The following KCNQ1OT1 variants were observed in gnomAD, a reference collection of about 807,000 sequenced individuals.
KCNQ1OT1 encodes KCNQ1 antisense RNA 2 (non-protein coding).
In KCNQ1OT1 at chr11:2,652,659, C is replaced by T. The variant is rs1022125771; in HGVS notation, n.47336G>A. On this transcript the variant is annotated non_coding_transcript_exon_variant, in exon 1 of 1. Transcript: ENST00000597346. The surrounding 1 kb of genome is among the most constrained non-coding windows in gnomAD (Gnocchi z 5.9). ...AGTGACTTCCTGCAGCATGGAGACC[C>T]GGGTGGGTCGATTTTAGTTGTGTGG... 15 of 398,740 alleles carry T rather than the reference C, an allele frequency of 3.8e-5. No individual in the cohort carries two copies. The South Asian group carries it at 1.1e-3, about 30-fold the overall frequency. The allele number at this position is 398,740 out of a possible 1,614,324, so 24.7% of individuals were successfully genotyped here. A position where few individuals can be genotyped will look rare whatever the true frequency, so the allele number is the denominator to read the frequency against.
In KCNQ1OT1 at chr11:2,673,603, C is replaced by A. The variant is rs185799874; in HGVS notation, n.26392G>T. ...TTACTTGGGCTAAAGAGAAGCTAAA[C>A]GTGACCAGCCTACCCACCTTGCTAC... On this transcript the variant is annotated non_coding_transcript_exon_variant, in exon 1 of 1. Coordinates refer to ENST00000597346, the Ensembl canonical transcript of KCNQ1OT1. This position sits in a 1 kb window ranked among gnomAD's most constrained non-coding sequence, Gnocchi z 4.5. The A allele has an allele frequency of 5.0e-6, 2 of 398,660 alleles. No homozygotes were observed. The highest frequency in any genetic ancestry group is 8.8e-6 in the Non-Finnish European group (2 of 226,162). The allele number at this position is 398,660 out of a possible 1,614,324, so 24.7% of individuals were successfully genotyped here. A position where few individuals can be genotyped will look rare whatever the true frequency, so the allele number is the denominator to read the frequency against.
rs180966329 is a variant in KCNQ1OT1 at position 2,645,025 on chromosome 11, G to A, written n.54970C>T. Reference sequence around the variant, plus strand: ...AGCAAGTCCAGGGAAACCAATTTTGGGCCTCCAGGCAACTTGCTCAGGTGC... The same window carrying A: ...AGCAAGTCCAGGGAAACCAATTTTGAGCCTCCAGGCAACTTGCTCAGGTGC... On this transcript the variant is annotated non_coding_transcript_exon_variant, in exon 1 of 1. Coordinates refer to ENST00000597346, the Ensembl canonical transcript of KCNQ1OT1. The surrounding 1 kb of genome is among the most constrained non-coding windows in gnomAD (Gnocchi z 5.8). 1.3e-5 allele frequency: 5 copies of A among 398,736 alleles called. No homozygotes were observed. The highest frequency in any genetic ancestry group is 7.1e-5 in the East Asian group (2 of 28,086). The allele number at this position is 398,736 out of a possible 1,614,324, so 24.7% of individuals were successfully genotyped here. A position where few individuals can be genotyped will look rare whatever the true frequency, so the allele number is the denominator to read the frequency against.
chr11:2,655,631 G>A, exon 1 of KCNQ1OT1: 1 of 398,686 alleles, frequency 2.5e-6, no homozygotes, highest in East Asian at 3.6e-5. Flanking sequence ...TCAAGCCCTG[G>A]CCTGAAAGAG....
exon 1 of KCNQ1OT1, chr11:2,667,481 A>G: frequency 2.5e-6 from 1 of 397,056 alleles, no homozygotes; most frequent in Non-Finnish European, 4.4e-6. Flanking sequence ...AGGATGTGAC[A>G]GAGAGAACAT....
chr11:2,622,147 C>G (rs7939222), exon 1 of KCNQ1OT1: 20 of 398,290 alleles, frequency 5.0e-5, no homozygotes, highest in African/African-American at 3.7e-4. Flanking sequence ...ACTGAAAGTA[C>G]GTTATTGAAG....
At position 2,624,735 on chromosome 11, in the gene KCNQ1OT1, T is replaced by C. The variant is rs191695456; in HGVS notation, n.75260A>G. ...AACTCTATATCCATTAAACAATAAT[T>C]CCCCAACCCCCCCACCACCGCCATC... On this transcript the variant is annotated non_coding_transcript_exon_variant, in exon 1 of 1. Coordinates refer to ENST00000597346, the Ensembl canonical transcript of KCNQ1OT1. This position sits in a 1 kb window ranked among gnomAD's most constrained non-coding sequence, Gnocchi z 4.9. 1.0e-5 allele frequency: 4 copies of C among 398,418 alleles called. No homozygotes were observed. Among genetic ancestry groups the C allele is most frequent in the Non-Finnish European group, 1.8e-5 (4 of 226,046 alleles). 24.7% of individuals were successfully genotyped at this position (398,418 alleles called of 1,614,324 possible).
chr11:2,611,797 C>A lies in KCNQ1OT1; in HGVS notation n.88198G>T, dbSNP rs909641264. 2 of 398,284 alleles carry A rather than the reference C, an allele frequency of 5.0e-6. No homozygotes were observed. Among genetic ancestry groups the A allele is most frequent in the Non-Finnish European group, 8.8e-6 (2 of 226,010 alleles). The allele number at this position is 398,284 out of a possible 1,614,324, so 24.7% of individuals were successfully genotyped here. On this transcript the variant is annotated non_coding_transcript_exon_variant, in exon 1 of 1. Transcript: ENST00000597346. This position sits in a 1 kb window ranked among gnomAD's most constrained non-coding sequence, Gnocchi z 5.3. ...TATCACTTTTGTTCCTCTCTTCCTC[C>A]TTTACTGCCTTCTGCAGGTTGAATA...
chr11:2,645,563 C>G lies in KCNQ1OT1; in HGVS notation n.54432G>C. On this transcript the variant is annotated non_coding_transcript_exon_variant, in exon 1 of 1. Transcript: ENST00000597346. The surrounding 1 kb of genome is among the most constrained non-coding windows in gnomAD (Gnocchi z 5.8). ...GTGGGATTGCTTTCAGTGGCAGCAG[C>G]TATAAACAGGCAGTTGGGCAATGCA... 1 of 398,700 alleles carries G rather than the reference C, an allele frequency of 2.5e-6. No homozygotes were observed. Among genetic ancestry groups the G allele is most frequent in the Non-Finnish European group, 4.4e-6 (1 of 226,150 alleles). The allele number at this position is 398,700 out of a possible 1,614,324, so 24.7% of individuals were successfully genotyped here. A position where few individuals can be genotyped will look rare whatever the true frequency, so the allele number is the denominator to read the frequency against.
rs1181656294 is a variant in KCNQ1OT1, at chr11:2,679,772, A to C, written n.20223T>G. ...GGGAAAATAGTCCCTGCTGCACACT[A>C]GGGCCTGTTAGGCCAGTTGAGGGCT... On this transcript the variant is annotated non_coding_transcript_exon_variant, in exon 1 of 1. Coordinates refer to ENST00000597346, the Ensembl canonical transcript of KCNQ1OT1. The surrounding 1 kb of genome is among the most constrained non-coding windows in gnomAD (Gnocchi z 4.8). 1 of 398,506 alleles carries C rather than the reference A, an allele frequency of 2.5e-6. No homozygotes were observed. Among genetic ancestry groups the C allele is most frequent in the Non-Finnish European group, 4.4e-6 (1 of 226,070 alleles). The allele number at this position is 398,506 out of a possible 1,614,324, so 24.7% of individuals were successfully genotyped here.
exon 1 of KCNQ1OT1, chr11:2,696,886 T>C (rs1850686085): frequency 5.0e-6 from 2 of 398,620 alleles, no homozygotes; most frequent in Non-Finnish European, 4.4e-6. Flanking sequence ...TGGTTTGTTT[T>C]TGTTTTTTGT....
exon 1 of KCNQ1OT1, chr11:2,616,251 T>C (rs1589983315): frequency 5.0e-6 from 2 of 397,806 alleles, no homozygotes; most frequent in East Asian, 7.2e-5. Context: ...CCTACTTTTG[T>C]TTATGATTTT....
chr11:2,699,448 G>A, exon 1 of KCNQ1OT1: 1 of 402,004 alleles, frequency 2.5e-6, no homozygotes, highest in Non-Finnish European at 4.3e-6. Context: ...GAACCGCACT[G>A]AGGAGCCGCC....
Position 2,690,967 on chromosome 11 carries a change from T to C in KCNQ1OT1, n.9028A>G. ...TTCATTTGGGAGTCACGGGTATGTG[T>C]CAACAAAAGCCCACCAGACCATCAA... is the stretch of plus-strand genomic sequence containing the variant. On this transcript the variant is annotated non_coding_transcript_exon_variant, in exon 1 of 1. Coordinates refer to ENST00000597346, the Ensembl canonical transcript of KCNQ1OT1. This position sits in a 1 kb window ranked among gnomAD's most constrained non-coding sequence, Gnocchi z 5.1. The C allele has an allele frequency of 5.0e-6, 2 of 398,638 alleles. No individual in the cohort carries two copies. The highest frequency in any genetic ancestry group is 8.8e-6 in the Non-Finnish European group (2 of 226,072). 24.7% of individuals were successfully genotyped at this position (398,638 alleles called of 1,614,324 possible).
At chr11:2,693,425 T>G (rs1305235960) in exon 1 of KCNQ1OT1, 10 of 398,590 alleles carry the variant, frequency 2.5e-5, no homozygotes, top group Non-Finnish European at 4.4e-5. Flanking sequence ...AAGCTTGTTT[T>G]GCCAGGCGCT....
chr11:2,634,181 T>C (rs1391595023), exon 1 of KCNQ1OT1: 1 of 397,580 alleles, frequency 2.5e-6, no homozygotes, highest in Non-Finnish European at 4.4e-6. Flanking sequence ...TCCCTTTTTT[T>C]TATTATACTT....
chr11:2,685,143 G>T (rs1401382875), exon 1 of KCNQ1OT1: 1 of 398,548 alleles, frequency 2.5e-6, no homozygotes, highest in Non-Finnish European at 4.4e-6. Context: ...ATCAGGTGTG[G>T]AAGAAGCTGC....
Position 2,647,362 on chromosome 11 carries a change from T to C in KCNQ1OT1, n.52633A>G. On this transcript the variant is annotated non_coding_transcript_exon_variant, in exon 1 of 1. Transcript: ENST00000597346. This position sits in a 1 kb window ranked among gnomAD's most constrained non-coding sequence, Gnocchi z 4.0. ...GGTGTATTATCTTTTTGATGTGCGATTGGATTCAGATTGCTAGTTTGTGTG... is the reference window on the plus strand; with the variant it reads ...GGTGTATTATCTTTTTGATGTGCGACTGGATTCAGATTGCTAGTTTGTGTG... The C allele has an allele frequency of 2.5e-6, 1 of 398,592 alleles. No homozygotes were observed. The allele number at this position is 398,592 out of a possible 1,614,324, so 24.7% of individuals were successfully genotyped here. A position where few individuals can be genotyped will look rare whatever the true frequency, so the allele number is the denominator to read the frequency against.
At position 2,626,017 on chromosome 11, in the gene KCNQ1OT1, T is replaced by C. The variant is rs1849255733; in HGVS notation, n.73978A>G. ...GTCTTATTGCTTAGTTGATATTATT[T>C]TAATGCACACAATGTAAATTTTTAA... On this transcript the variant is annotated non_coding_transcript_exon_variant, in exon 1 of 1. Transcript: ENST00000597346. This position sits in a 1 kb window ranked among gnomAD's most constrained non-coding sequence, Gnocchi z 4.0. 1 of 398,530 alleles carries C rather than the reference T, an allele frequency of 2.5e-6. No individual in the cohort carries two copies. Among genetic ancestry groups the C allele is most frequent in the Admixed American group, 4.4e-5 (1 of 22,718 alleles). 24.7% of individuals were successfully genotyped at this position (398,530 alleles called of 1,614,324 possible).
At position 2,662,016 on chromosome 11, in the gene KCNQ1OT1, C is replaced by T. The variant is rs1849966701; in HGVS notation, n.37979G>A. On this transcript the variant is annotated non_coding_transcript_exon_variant, in exon 1 of 1. Transcript: ENST00000597346. ...GCATGCCCCATTTCATGAGAACCAA[C>T]AGCTTCGCCGAGGACCTGGACCTGG... The T allele has an allele frequency of 1.9e-6, 3 of 1,614,222 alleles. No homozygotes were observed. Among genetic ancestry groups the T allele is most frequent in the Non-Finnish European group, 2.5e-6 (3 of 1,180,040 alleles).
Sources: gnomAD v4.1 joint callset for allele counts on GRCh38, gnomAD v4.1.1 for gene constraint, Gnocchi (gnomAD v3.1) non-coding constraint, MANE v1.5 for transcripts, NCBI Gene and HGNC (gene_info 2026-07-23, HGNC 2026-07-21) for gene names.